WDR27: variants seen among roughly 807,000 people sequenced by gnomAD.
WDR27 encodes WD repeat domain 27.
A neutral mutation model predicts 114.4 loss-of-function variants in WDR27; 100 were observed. The ratio of observed to expected loss-of-function variants is 0.87; its 90% CI spans 0.74 to 1.03. The LOEUF is 1.03. Ranked by LOEUF, WDR27 falls within the 50% of genes least tolerant of loss-of-function variation. The pLI is 0.00. For missense variants in WDR27, 1,129 were observed against 1,092.9 expected, an observed-to-expected ratio of 1.03 and a Z score of -0.47; for synonymous variants, 449 against 423.1, an observed-to-expected ratio of 1.06 and a Z score of -0.75.
intron 25 of WDR27, among the ~76,000 whole-genome samples, chr6:169,537,949 T>C (rs1206444191): frequency 6.6e-6 from 1 of 151,398 alleles, no homozygotes; most frequent in Admixed American, 6.6e-5. Context: ...CTGATTTTTG[T>C]AGATATCACT....
chr6:169,471,892 C>G (rs1168594834), intron 25 of WDR27, among the ~76,000 whole-genome samples: 2 of 152,156 alleles, frequency 1.3e-5, no homozygotes, highest in Non-Finnish European at 2.9e-5. Flanking sequence ...TCGCTGCTTC[C>G]AAGATGGTGC....
At chr6:169,529,747 T>C (rs1795368956) in intron 25 of WDR27, among the ~76,000 whole-genome samples, 1 of 152,236 alleles carries the variant, frequency 6.6e-6, no homozygotes, top group African/African-American at 2.4e-5. Context: ...TTGCATAAGC[T>C]TTTAAATTGT....
At chr6:169,552,976 GTGTGTGTGTGT>G (rs1562571473) in intron 25 of WDR27, among the ~76,000 whole-genome samples, 1 of 50,504 alleles carries the variant, frequency 2.0e-5, no homozygotes, top group Non-Finnish European at 3.8e-5. Context: ...CCTGCCCGGT[GTGTGTGTGTGT>G]GTGTGTGTGT....
At chr6:169,559,639 C>A (rs1250436633) in intron 25 of WDR27, 1 of 152,148 alleles carries the variant, frequency 6.6e-6, no homozygotes. Context: ...CTCCAGTTCC[C>A]GAGTGTCCAT....
the WDR27 span, among the ~76,000 whole-genome samples, chr6:169,438,859 A>T: frequency 2.0e-5 from 3 of 152,212 alleles, no homozygotes; most frequent in African/African-American, 7.2e-5. Flanking sequence ...TAGAAAAACT[A>T]GGTCATCTCT....
At chr6:169,641,309 G>A (rs1357425247) in intron 17 of WDR27, among the ~76,000 whole-genome samples, 1 of 151,316 alleles carries the variant, frequency 6.6e-6, no homozygotes, top group Non-Finnish European at 1.5e-5. Context: ...ATCACCGCAG[G>A]CAAGGCCGGG....
intron 21 of WDR27, among the ~76,000 whole-genome samples, chr6:169,627,588 C>T (rs971107318): frequency 7.9e-5 from 12 of 152,340 alleles, no homozygotes; most frequent in African/African-American, 1.9e-4. Flanking sequence ...GCTCCCGAGG[C>T]GAGCCAGGCC....
intron 7 of WDR27, chr6:169,664,577 C>T (rs1827251263): frequency 2.3e-6 from 3 of 1,288,534 alleles, no homozygotes; most frequent in African/African-American, 1.5e-5. Flanking sequence ...ACCCCAGGCC[C>T]CAGGCTCTCT....
chr6:169,637,880 G>A (rs957225326), intron 18 of WDR27, among the ~76,000 whole-genome samples: 3 of 152,192 alleles, frequency 2.0e-5, no homozygotes, highest in African/African-American at 7.2e-5. Context: ...ATGTAAGTGT[G>A]CGTATGTGTA....
rs140491991 is a variant in WDR27 at position 169,476,245 on chromosome 6, G to A, written c.2646-18611C>T. 1.3e-3 allele frequency among the ~76,000 whole-genome samples: 205 copies of A among 152,256 alleles called. 3 individuals carry two copies. The East Asian group carries it at 0.032, about 24-fold the overall frequency. On this transcript the variant is annotated intron_variant, in intron 25 of 25. Coordinates refer to ENST00000448612, the MANE Select transcript of WDR27 (RefSeq NM_182552.5). ...CTAAGCCCAGGGCATAAAACCCCTCGTGGCTTGGATAGAATCCAGGGCTTG... is the reference window on the plus strand; with the variant it reads ...CTAAGCCCAGGGCATAAAACCCCTCATGGCTTGGATAGAATCCAGGGCTTG...
chr6:169,689,737 C>T (rs768134212), intron 1 of WDR27, among the ~76,000 whole-genome samples: 1 of 152,268 alleles, frequency 6.6e-6, no homozygotes, highest in Admixed American at 6.5e-5. Flanking sequence ...GTACCCCACA[C>T]CCCACTGCAG....
chr6:169,455,007 A>C (rs555550631), downstream of WDR27, among the ~76,000 whole-genome samples: 1 of 152,356 alleles, frequency 6.6e-6, no homozygotes, highest in African/African-American at 2.4e-5. Context: ...GGGCTCTGGT[A>C]CCAGGCGACC....
At chr6:169,468,015 A>G (rs1785836694) in intron 25 of WDR27, among the ~76,000 whole-genome samples, 1 of 152,180 alleles carries the variant, frequency 6.6e-6, no homozygotes. Context: ...TCCGCCAGAT[A>G]CCCTAAATCA....
intron 25 of WDR27, among the ~76,000 whole-genome samples, chr6:169,517,984 C>T (rs1793890820): frequency 6.6e-6 from 1 of 152,218 alleles, no homozygotes. Context: ...CCCAGCAAGG[C>T]AGTCATTAAA....
At chr6:169,697,329 C>T (rs377288994) in intron 1 of WDR27, among the ~76,000 whole-genome samples, 33 of 152,116 alleles carry the variant, frequency 2.2e-4, no homozygotes, top group Non-Finnish European at 4.6e-4. Flanking sequence ...CTAGCGGTAA[C>T]GCCAGCATCT....
rs1186188003 is a variant in WDR27, at chr6:169,581,165, CA to C, written c.2523+1670del. Among the ~76,000 whole-genome samples, 3 of 152,032 alleles carry C rather than the reference CA, an allele frequency of 2.0e-5. No individual in the cohort carries two copies. In the East Asian group the frequency reaches 5.8e-4, roughly 29 times the overall value. ...ATTTGCTTCTTTTATTCATTAATCT[CA>C]AGGGCAAGAGAGACCTACCCAACCT... On this transcript the variant is annotated intron_variant, in intron 24 of 25. Coordinates refer to ENST00000448612, the MANE Select transcript of WDR27 (RefSeq NM_182552.5).
intron 24 of WDR27, among the ~76,000 whole-genome samples, chr6:169,578,266 T>C (rs1020301680): frequency 5.3e-5 from 8 of 152,186 alleles, no homozygotes; most frequent in Admixed American, 1.3e-4. Context: ...TTTACTTTCT[T>C]ATCCATAGCG....
chr6:169,512,880 T>G (rs1044067822), intron 25 of WDR27, among the ~76,000 whole-genome samples: 1 of 152,136 alleles, frequency 6.6e-6, no homozygotes, highest in Admixed American at 6.5e-5. Flanking sequence ...AGAAAACACA[T>G]AGAAAACTAA....
intron 21 of WDR27, among the ~76,000 whole-genome samples, chr6:169,621,528 ACACACACG>A (rs1813263899): frequency 7.5e-6 from 1 of 134,068 alleles, no homozygotes; most frequent in African/African-American, 3.8e-5. Flanking sequence ...ATATACATAC[ACACACACG>A]CACGCATATA....
Sources: allele counts gnomAD v4.1 joint callset (sites outside exome capture counted in the v4.1 genomes callset), GRCh38; gene constraint gnomAD v4.1.1; transcripts MANE v1.5; gene names NCBI Gene and HGNC (gene_info 2026-07-23, HGNC 2026-07-21).